ONECUT1: variants seen among roughly 807,000 people sequenced by gnomAD.
The protein encoded by ONECUT1 is hepatocyte nuclear factor 6.
In ONECUT1, 12 loss-of-function variants were observed where a neutral mutation model predicts 25.6. The observed-to-expected ratio is 0.47, with a 90% CI of 0.30 to 0.76. The LOEUF is 0.76. Ranked by LOEUF, ONECUT1 falls within the 30% of genes least tolerant of loss-of-function variation. The pLI is 0.07. For synonymous variants in ONECUT1, 285 were observed against 270.2 expected, an observed-to-expected ratio of 1.05 and a Z score of -0.54; for missense variants, 620 against 651.2, an observed-to-expected ratio of 0.95 and a Z score of 0.52.
At chr15:52,767,402 A>G (rs1678625620) in intron 1 of ONECUT1, among the ~76,000 whole-genome samples, 1 of 152,210 alleles carries the variant, frequency 6.6e-6, no homozygotes, top group African/African-American at 2.4e-5. Context: ...AACCTGAACT[A>G]GAATGGTAGC....
chr15:52,789,859 G>A lies in ONECUT1; in HGVS notation c.26C>T (p.Ala9Val). MNAQLTME[A>V]IGELHGVSHE... ...GCTCACCCCGTGCAGCTCGCCGATC[G>A]CTTCCATGGTCAGCTGCGCGTTCAT... The change falls in exon 1 of 2, where the codon GCG (alanine) becomes GTG (valine). Residue 9 changes from alanine (A) to valine (V), a missense_variant. This residue lies in a region of ONECUT1 where 440 missense variants were observed against 404.9 expected (regional missense o/e 1.09). Transcript: ENST00000305901. This position sits in a 1 kb window ranked among gnomAD's most constrained non-coding sequence, Gnocchi z 4.1. 1 of 1,542,468 alleles carries A rather than the reference G, an allele frequency of 6.5e-7. No individual in the cohort carries two copies. Among genetic ancestry groups the A allele is most frequent in the Non-Finnish European group, 8.7e-7 (1 of 1,155,076 alleles).
Position 52,788,672 on chromosome 15 carries a change from G to C in ONECUT1, c.1105+108C>G. On this transcript the variant is annotated intron_variant, in intron 1 of 1. Transcript: ENST00000305901. The surrounding 1 kb of genome is among the most constrained non-coding windows in gnomAD (Gnocchi z 4.3). ...GGGAGTCCCCCTTCTAGGGGTAGGG[G>C]CGGGCGGGATGAAGCGCACCCAGCC... The C allele has an allele frequency of 8.1e-7, 1 of 1,240,792 alleles. No individual in the cohort carries two copies. The highest frequency in any genetic ancestry group is 1.1e-6 in the Non-Finnish European group (1 of 897,480). The allele number at this position is 1,240,792 out of a possible 1,614,324, so 76.9% of individuals were successfully genotyped here.
chr15:52,766,846 C>T lies in ONECUT1; in HGVS notation c.1106-8999G>A, dbSNP rs184976716. ...CTAGCAGAGCTGTCCAGGACAGAAT[C>T]CTGCCATCCCATAGTCTGCTGCCTG... On this transcript the variant is annotated intron_variant, in intron 1 of 1. Transcript: ENST00000305901. Among the ~76,000 whole-genome samples the T allele has an allele frequency of 9.6e-4, 146 of 152,324 alleles. 1 individual carries two copies. Among genetic ancestry groups the T allele is most frequent in the African/African-American group, 3.4e-3 (141 of 41,568 alleles).
rs767501782 is a variant in ONECUT1, at chr15:52,789,663, G to T, written c.222C>A (p.Ala74=). Residue 74 remains alanine, a synonymous_variant, in exon 1 of 2, where the codon GCC becomes GCA. Coordinates refer to ENST00000305901, the MANE Select transcript of ONECUT1 (RefSeq NM_004498.4). This position sits in a 1 kb window ranked among gnomAD's most constrained non-coding sequence, Gnocchi z 4.1. ...GGGGGCCGGCCAGGCTGTGCTCAGGGGCCCGGTGGTGGTGGTGGTAATCTC... is the reference window on the plus strand; with the variant it reads ...GGGGGCCGGCCAGGCTGTGCTCAGGTGCCCGGTGGTGGTGGTGGTAATCTC... ...GGGDYHHHHR[A]PEHSLAGPLH... The T allele has an allele frequency of 2.0e-6, 3 of 1,534,046 alleles. No individual in the cohort carries two copies. In the African/African-American group the frequency reaches 4.2e-5, roughly 21 times the overall value.
Position 52,789,942 on chromosome 15 carries a change from G to A in ONECUT1, c.-58C>T. On this transcript the variant is annotated 5_prime_UTR_variant, in exon 1 of 2. Coordinates refer to ENST00000305901, the MANE Select transcript of ONECUT1 (RefSeq NM_004498.4). This position sits in a 1 kb window ranked among gnomAD's most constrained non-coding sequence, Gnocchi z 4.1. ...ATCGATGTGGCCAGGCAGAGGCGGCGAGGGGCGCACGGAGTCCGGTCTTCA... is the reference window on the plus strand; with the variant it reads ...ATCGATGTGGCCAGGCAGAGGCGGCAAGGGGCGCACGGAGTCCGGTCTTCA... 1 of 1,470,372 alleles carries A rather than the reference G, an allele frequency of 6.8e-7. No individual in the cohort carries two copies. Among genetic ancestry groups the A allele is most frequent in the Non-Finnish European group, 8.9e-7 (1 of 1,119,774 alleles). The allele number at this position is 1,470,372 out of a possible 1,614,324, so 91.1% of individuals were successfully genotyped here.
At chr15:52,764,821 A>C (rs772958951) in intron 1 of ONECUT1, among the ~76,000 whole-genome samples, 11 of 152,230 alleles carry the variant, frequency 7.2e-5, no homozygotes, top group Non-Finnish European at 1.6e-4. Flanking sequence ...AGTAGCATGC[A>C]GGGCCAAGTG....
Position 52,789,452 on chromosome 15 carries a change from C to G in ONECUT1, c.433G>C (p.Val145Leu), listed in dbSNP as rs1030657997. The G allele has an allele frequency of 1.2e-6, 2 of 1,613,598 alleles. No individual in the cohort carries two copies. Among genetic ancestry groups the G allele is most frequent in the Admixed American group, 3.3e-5 (2 of 59,978 alleles). ...PHHHQRLAGNVSGSFTLMRDE... is the reference protein window; with the variant it reads ...PHHHQRLAGNLSGSFTLMRDE... ...CGCATGAGCGTGAAGCTACCGCTCA[C>G]GTTGCCCGCCAGGCGCTGGTGGTGG... The change falls in exon 1 of 2, where the codon GTG (valine) becomes CTG (leucine). Residue 145 changes from valine to leucine, a missense_variant. Around this residue, in one of 4 missense-constraint regions of ONECUT1, gnomAD observed 440 missense variants for 404.9 expected, o/e 1.09. Transcript: ENST00000305901. The surrounding 1 kb of genome is among the most constrained non-coding windows in gnomAD (Gnocchi z 4.1).
chr15:52,771,266 T>G (rs1256602432), intron 1 of ONECUT1, among the ~76,000 whole-genome samples: 7 of 152,040 alleles, frequency 4.6e-5, no homozygotes, highest in African/African-American at 2.4e-5. Flanking sequence ...ATATGAACAT[T>G]TATTGAATAA....
rs1306131909 is a variant in ONECUT1, at chr15:52,789,642, G to A, written c.243C>T (p.Gly81=). 6.4e-7 allele frequency: 1 copy of A among 1,554,720 alleles called. No individual in the cohort carries two copies. The highest frequency in any genetic ancestry group is 1.4e-5 in the African/African-American group (1 of 73,130). ...CCATGGTCATGGTGGGATGCAGGGG[G>A]CCGGCCAGGCTGTGCTCAGGGGCCC... ...HHRAPEHSLA[G]PLHPTMTMAC... The change falls in exon 1 of 2, where the codon GGC becomes GGT. Residue 81 remains glycine (G), a synonymous_variant. Transcript: ENST00000305901. This position sits in a 1 kb window ranked among gnomAD's most constrained non-coding sequence, Gnocchi z 4.1.
intron 1 of ONECUT1, among the ~76,000 whole-genome samples, chr15:52,768,673 G>A (rs987153044): frequency 6.6e-6 from 1 of 152,130 alleles, no homozygotes; most frequent in African/African-American, 2.4e-5. Context: ...TAGTAATTGA[G>A]AGTTATAAAA....
At position 52,764,627 on chromosome 15, in the gene ONECUT1, T is replaced by C. The variant is rs141848600; in HGVS notation, c.1106-6780A>G. On this transcript the variant is annotated intron_variant, in intron 1 of 1. Coordinates refer to ENST00000305901, the MANE Select transcript of ONECUT1 (RefSeq NM_004498.4). Reference sequence around the variant, plus strand: ...CTCGAAATAGCTGCCCTAGAATATGTTGTCCTAACATCATCGCAGAGAAAG... The same window carrying C: ...CTCGAAATAGCTGCCCTAGAATATGCTGTCCTAACATCATCGCAGAGAAAG... Among the ~76,000 whole-genome samples the C allele has an allele frequency of 2.3e-3, 357 of 152,304 alleles. 1 individual carries two copies. The highest frequency in any genetic ancestry group is 4.4e-3 in the Non-Finnish European group (300 of 68,020).
chr15:52,770,508 C>T (rs1423847589), intron 1 of ONECUT1, among the ~76,000 whole-genome samples: 1 of 152,162 alleles, frequency 6.6e-6, no homozygotes, highest in African/African-American at 2.4e-5. Context: ...CGGGACTGCA[C>T]TCTGAGTAAC....
In ONECUT1 at chr15:52,757,691, T is replaced by A; in HGVS notation, c.1262A>T (p.Gln421Leu). 1 of 1,614,194 alleles carries A rather than the reference T, an allele frequency of 6.2e-7. No homozygotes were observed. Among genetic ancestry groups the A allele is most frequent in the Non-Finnish European group, 8.5e-7 (1 of 1,180,026 alleles). ...GACAGTGCTCAGCTCCAACCCCAGC[T>A]GCTGGGAAATGGTGATTTGCAATTC... The part of the protein sequence containing the change: ...SKELQITISQ[Q>L]LGLELSTVSN... The change falls in exon 2 of 2, where the codon CAG becomes CTG. Residue 421 changes from glutamine to leucine, a missense_variant. Around this residue, in one of 4 missense-constraint regions of ONECUT1, gnomAD observed 146 missense variants for 201.8 expected, o/e 0.72. Coordinates refer to ENST00000305901, the MANE Select transcript of ONECUT1 (RefSeq NM_004498.4).
Position 52,757,440 on chromosome 15 carries a change from T to C in ONECUT1, c.*115A>G, listed in dbSNP as rs577475888. On this transcript the variant is annotated 3_prime_UTR_variant, in exon 2 of 2. Coordinates refer to ENST00000305901, the MANE Select transcript of ONECUT1 (RefSeq NM_004498.4). ...GGTTTCTTTGGACTATAAATAACGC[T>C]TTTTTTTCTTCAAATATTTCTAAGT... 8 of 1,218,256 alleles carry C rather than the reference T, an allele frequency of 6.6e-6. No individual in the cohort carries two copies. The Admixed American group carries it at 1.5e-4, about 23-fold the overall frequency. 75.5% of individuals were successfully genotyped at this position (1,218,256 alleles called of 1,614,324 possible).
At chr15:52,768,444 T>C (rs897766559) in intron 1 of ONECUT1, among the ~76,000 whole-genome samples, 7 of 152,180 alleles carry the variant, frequency 4.6e-5, no homozygotes, top group Admixed American at 2.0e-4. Context: ...TCAGTATCCC[T>C]CACTTAAAAA....
chr15:52,780,654 A>T (rs1408508000), intron 1 of ONECUT1: 1 of 1,534,616 alleles, frequency 6.5e-7, no homozygotes, highest in Non-Finnish European at 8.7e-7. Context: ...CACTCCTCTC[A>T]CGCACTTCAG....
intron 1 of ONECUT1, among the ~76,000 whole-genome samples, chr15:52,782,041 T>C (rs1289370827): frequency 6.6e-6 from 1 of 152,354 alleles, no homozygotes; most frequent in Non-Finnish European, 1.5e-5. Flanking sequence ...ATTTCTTTTT[T>C]TCTTCAACTT....
rs1596055215 is a variant in ONECUT1 at position 52,780,531 on chromosome 15, CT to C, written c.1105+8248del. 14 of 1,479,866 alleles carry C rather than the reference CT, an allele frequency of 9.5e-6. No individual in the cohort carries two copies. In the East Asian group the frequency reaches 3.5e-4, roughly 36 times the overall value. The allele number at this position is 1,479,866 out of a possible 1,614,324, so 91.7% of individuals were successfully genotyped here. Reference sequence around the variant, plus strand: ...AGCATAAGTAATTAGAATTTAATCACTTTAACTGCATCTTAATTACCCCAAA... The same window carrying C: ...AGCATAAGTAATTAGAATTTAATCACTTAACTGCATCTTAATTACCCCAAA... On this transcript the variant is annotated intron_variant, in intron 1 of 1. Transcript: ENST00000305901.
intron 1 of ONECUT1, among the ~76,000 whole-genome samples, chr15:52,778,990 G>GTTTTC (rs1316868765): frequency 7.5e-6 from 1 of 133,616 alleles, no homozygotes; most frequent in Admixed American, 6.9e-5. Flanking sequence ...TCCAGAGAGG[G>GTTTTC]TTTTCTTTTT....
Sources: gnomAD v4.1 joint callset for allele counts (sites outside exome capture counted in the v4.1 genomes callset) on GRCh38, gnomAD v4.1.1 for gene constraint, gnomAD v4.1.1 regional missense constraint, Gnocchi (gnomAD v3.1) non-coding constraint, MANE v1.5 for transcripts, NCBI Gene and HGNC (gene_info 2026-07-23, HGNC 2026-07-21) for gene names.